SPATA17: variants seen among roughly 807,000 people sequenced by gnomAD.
SPATA17 encodes spermatogenesis associated 17.
In SPATA17, 53 loss-of-function variants were observed where a neutral mutation model predicts 62.2. The observed-to-expected ratio is 0.85, with a 90% confidence interval of 0.68 to 1.07. SPATA17 has a LOEUF of 1.07. Among genes scored for constraint, SPATA17 ranks in the 50% least tolerant of loss-of-function variants. The probability of loss-of-function intolerance (pLI) is 0.00; values close to 1 mark genes in which losing one functional copy is unlikely to be tolerated. For missense variants in SPATA17, 466 were observed against 425.5 expected (o/e 1.10, Z -0.84); for synonymous variants, 146 against 146.8 (o/e 0.99, Z 0.04).
At chr1:217,652,091 G>A (rs1290349993) in intron 3 of SPATA17, among the ~76,000 whole-genome samples, 4 of 152,158 alleles carry the variant, frequency 2.6e-5, no homozygotes, top group Admixed American at 2.6e-4. Context: ...CTCAAAGCAT[G>A]GTGCCTGGCA....
At chr1:217,761,154 A>G (rs760983430) in intron 6 of SPATA17, among the ~76,000 whole-genome samples, 1 of 152,184 alleles carries the variant, frequency 6.6e-6, no homozygotes, top group Non-Finnish European at 1.5e-5. Context: ...TGAGATCTGC[A>G]CACTGCTCAT....
At chr1:217,723,684 A>T (rs1359737684) in intron 5 of SPATA17, among the ~76,000 whole-genome samples, 1 of 152,182 alleles carries the variant, frequency 6.6e-6, no homozygotes. Context: ...AATAAATCTC[A>T]TTCTTCCCTA....
chr1:217,864,354 A>C (rs550694411), intron 10 of SPATA17, among the ~76,000 whole-genome samples: 2 of 152,230 alleles, frequency 1.3e-5, no homozygotes, highest in Non-Finnish European at 2.9e-5. Context: ...CATATAAGGC[A>C]GTACTATGCA....
intron 4 of SPATA17, among the ~76,000 whole-genome samples, chr1:217,669,491 T>C (rs1670786490): frequency 1.3e-5 from 2 of 152,186 alleles, no homozygotes; most frequent in Non-Finnish European, 2.9e-5. Context: ...ATGAAGTCAG[T>C]TTCCAGCTTT....
At chr1:217,795,680 A>G (rs931680451) in intron 8 of SPATA17, among the ~76,000 whole-genome samples, 6 of 151,648 alleles carry the variant, frequency 4.0e-5, no homozygotes, top group African/African-American at 1.5e-4. Context: ...ACAAAAGTCT[A>G]TTGACTTCAT....
At chr1:217,760,595 T>A (rs1673149220) in intron 6 of SPATA17, among the ~76,000 whole-genome samples, 1 of 152,194 alleles carries the variant, frequency 6.6e-6, no homozygotes, top group Non-Finnish European at 1.5e-5. Flanking sequence ...TGATGAAACC[T>A]AAAATGGCTT....
At chr1:217,761,309 C>A (rs1337954788) in intron 6 of SPATA17, among the ~76,000 whole-genome samples, 1 of 152,050 alleles carries the variant, frequency 6.6e-6, no homozygotes, top group East Asian at 1.9e-4. Flanking sequence ...ATTTATAGTT[C>A]TTTAGTTCCA....
intron 9 of SPATA17, among the ~76,000 whole-genome samples, chr1:217,839,722 G>A (rs1265797647): frequency 1.3e-5 from 2 of 150,502 alleles, no homozygotes; most frequent in African/African-American, 4.9e-5. Flanking sequence ...TTTTTCAAAT[G>A]TATGTATAAT....
At chr1:217,830,436 C>T (rs577723474) in intron 9 of SPATA17, among the ~76,000 whole-genome samples, 17 of 152,176 alleles carry the variant, frequency 1.1e-4, no homozygotes, top group African/African-American at 3.6e-4. Context: ...AACATCTCCT[C>T]GACTCAAACA....
At chr1:217,652,820 T>A (rs1232880136) in intron 3 of SPATA17, among the ~76,000 whole-genome samples, 1 of 152,190 alleles carries the variant, frequency 6.6e-6, no homozygotes, top group Non-Finnish European at 1.5e-5. Context: ...ATGACGGAAG[T>A]TTGATGACTG....
intron 9 of SPATA17, among the ~76,000 whole-genome samples, chr1:217,810,955 A>G (rs1344348352): frequency 6.6e-6 from 1 of 152,146 alleles, no homozygotes; most frequent in African/African-American, 2.4e-5. Flanking sequence ...AAAATTTTAG[A>G]TGAGATTTTG....
intron 9 of SPATA17, among the ~76,000 whole-genome samples, chr1:217,810,084 G>A (rs1424106450): frequency 6.6e-6 from 1 of 151,992 alleles, no homozygotes; most frequent in African/African-American, 2.4e-5. Context: ...TGCAAAATGT[G>A]TTTCCTAAAA....
intron 1 of SPATA17, among the ~76,000 whole-genome samples, chr1:217,638,024 C>G (rs1669977471): frequency 6.6e-6 from 1 of 151,798 alleles, no homozygotes; most frequent in Non-Finnish European, 1.5e-5. Context: ...AGTAAGTACC[C>G]AATAAATTCA....
At chr1:217,862,413 G>A (rs1675915629) in intron 9 of SPATA17, among the ~76,000 whole-genome samples, 1 of 151,818 alleles carries the variant, frequency 6.6e-6, no homozygotes, top group African/African-American at 2.4e-5. Context: ...CATTCATTCA[G>A]TTAACAAATA....
intron 3 of SPATA17, among the ~76,000 whole-genome samples, chr1:217,668,166 T>C (rs992194187): frequency 6.6e-6 from 1 of 152,236 alleles, no homozygotes; most frequent in Non-Finnish European, 1.5e-5. Context: ...TAAAAATGGA[T>C]AAAGTTGTAT....
intron 5 of SPATA17, among the ~76,000 whole-genome samples, chr1:217,707,922 C>T (rs957670467): frequency 2.0e-5 from 3 of 152,158 alleles, no homozygotes; most frequent in Admixed American, 2.0e-4. Context: ...CGTACAATTA[C>T]ATGGGAATTA....
chr1:217,728,088 T>C (rs186866385), intron 5 of SPATA17, among the ~76,000 whole-genome samples: 4 of 152,246 alleles, frequency 2.6e-5, no homozygotes, highest in Admixed American at 6.5e-5. Flanking sequence ...ATTCAACTTA[T>C]AAGAAATAAA....
chr1:217,636,105 C>T (rs2102873821), intron 1 of SPATA17, among the ~76,000 whole-genome samples: 1 of 127,854 alleles, frequency 7.8e-6, no homozygotes, highest in Admixed American at 8.8e-5. Context: ...TGCACTCCAG[C>T]CTGGCGACAG....
intron 9 of SPATA17, among the ~76,000 whole-genome samples, chr1:217,845,538 G>A (rs1302305889): frequency 6.6e-6 from 1 of 151,968 alleles, no homozygotes; most frequent in Admixed American, 6.6e-5. Flanking sequence ...TGTGAGAGTG[G>A]GTTGCTTGAC....
Sources: gnomAD v4.1 joint callset for allele counts (sites outside exome capture counted in the v4.1 genomes callset) on GRCh38, gnomAD v4.1.1 for gene constraint, MANE v1.5 for transcripts, NCBI Gene and HGNC (gene_info 2026-07-23, HGNC 2026-07-21) for gene names.